Variants in OSGIN1 observed in about 807,000 individuals in gnomAD.
The protein encoded by OSGIN1 is oxidative stress-induced growth inhibitor 1.
OSGIN1 carries 19 observed loss-of-function variants against 20.1 expected under a neutral mutation model. That is an observed-to-expected ratio of 0.95 (90% confidence interval 0.66 to 1.39). OSGIN1 has a LOEUF of 1.39. Among genes scored for constraint, OSGIN1 ranks in the 40% most tolerant of loss-of-function variants. OSGIN1 has a pLI of 0.00. For synonymous variants in OSGIN1, 368 were observed against 297.8 expected, an observed-to-expected ratio of 1.24 and a Z score of -2.43; for missense variants, 820 against 653.0, an observed-to-expected ratio of 1.26 and a Z score of -2.79.
intron 3 of OSGIN1, 29 bp downstream of exon 3, chr16:83,959,425 G>A (rs1909098813): frequency 1.6e-5 from 26 of 1,604,584 alleles, no homozygotes; most frequent in Non-Finnish European, 2.1e-5. Context: ...AGAGCTCTGG[G>A]TAGTACATAC....
Position 83,965,723 on chromosome 16 carries a change from G to A in OSGIN1, c.1150G>A (p.Glu384Lys), listed in dbSNP as rs760586772. ...QAVFQDLEGV[E>K]KVFGVSLVLV... ...CGTGTTCCAGGACCTCGAGGGTGTC[G>A]AGAAGGTGTTTGGGGTCTCCCTGGT... Residue 384 changes from glutamate to lysine, a missense_variant, in exon 6 of 6, where the codon GAG becomes AAG. Glu to Lys is a moderately conservative substitution (Grantham distance 56). Coordinates refer to ENST00000393306, the MANE Select transcript of OSGIN1 (RefSeq NM_182981.3). 9.9e-6 allele frequency: 16 copies of A among 1,613,544 alleles called. No individual in the cohort carries two copies. Among genetic ancestry groups the A allele is most frequent in the South Asian group, 3.3e-5 (3 of 91,082 alleles).
intron 5 of OSGIN1, among the ~76,000 whole-genome samples, chr16:83,962,292 G>A (rs899253629): frequency 1.3e-5 from 2 of 152,178 alleles, no homozygotes; most frequent in African/African-American, 4.8e-5. Flanking sequence ...AGGCTGGAGT[G>A]CAGTGGCGCG....
At chr16:83,963,416 C>G (rs1567657749) in intron 5 of OSGIN1, among the ~76,000 whole-genome samples, 1 of 149,308 alleles carries the variant, frequency 6.7e-6, no homozygotes, top group African/African-American at 2.6e-5. Context: ...TTATTATGTG[C>G]CAGGCCTTGG....
intron 5 of OSGIN1, among the ~76,000 whole-genome samples, chr16:83,964,093 C>A (rs1023760314): frequency 6.6e-6 from 1 of 152,144 alleles, no homozygotes; most frequent in African/African-American, 2.4e-5. Context: ...CACTTGAGGT[C>A]AAGAGTTCGA....
intron 1 of OSGIN1, among the ~76,000 whole-genome samples, chr16:83,953,853 A>T (rs1908803487): frequency 6.6e-6 from 1 of 152,198 alleles, no homozygotes; most frequent in African/African-American, 2.4e-5. Flanking sequence ...GAGGCTCAAG[A>T]GTGCGGCGGG....
intron 1 of OSGIN1, among the ~76,000 whole-genome samples, chr16:83,953,777 C>T (rs1489193265): frequency 2.0e-5 from 3 of 152,070 alleles, no homozygotes; most frequent in Non-Finnish European, 4.4e-5. Flanking sequence ...TCAGGAGGGA[C>T]AGAGCCCTTG....
rs892245791 is a variant in OSGIN1 at position 83,959,171 on chromosome 16, G to C, written c.68-89G>C. The C allele has an allele frequency of 4.7e-6, 4 of 847,070 alleles. No individual in the cohort carries two copies. In the East Asian group the frequency reaches 9.9e-5, roughly 21 times the overall value. 52.5% of individuals were successfully genotyped at this position (847,070 alleles called of 1,614,324 possible). A position where few individuals can be genotyped will look rare whatever the true frequency, so the allele number is the denominator to read the frequency against. On this transcript the variant is annotated intron_variant, in intron 2 of 5. Transcript: ENST00000393306. ...TTTTATGAATGAAGGATAAATGAAT[G>C]AATGCGCCGCATCTAGATCAAAGCC...
intron 5 of OSGIN1, among the ~76,000 whole-genome samples, chr16:83,962,621 G>A (rs2084229640): frequency 6.6e-6 from 1 of 152,212 alleles, no homozygotes; most frequent in South Asian, 2.1e-4. Flanking sequence ...ATGTACACAT[G>A]GTGGTCGGGG....
chr16:83,962,616 C>T (rs1234890465), intron 5 of OSGIN1, among the ~76,000 whole-genome samples: 3 of 152,200 alleles, frequency 2.0e-5, no homozygotes, highest in Admixed American at 6.5e-5. Flanking sequence ...ATAACATGTA[C>T]ACATGGTGGT....
intron 3 of OSGIN1, among the ~76,000 whole-genome samples, chr16:83,960,058 T>C (rs1320065183): frequency 6.6e-6 from 1 of 152,124 alleles, no homozygotes; most frequent in Non-Finnish European, 1.5e-5. Context: ...GAGTTGGAGA[T>C]GAGGAAATAG....
rs1172440596 is a variant in OSGIN1, at chr16:83,965,663, C to A, written c.1090C>A (p.His364Asn). ...PYEGYRSLPR[H>N]QLLCFKEDCQ... ...TGAGGGTTACCGCAGCCTCCCCAGG[C>A]ACCAGCTGCTGTGCTTCAAGGAAGA... Residue 364 changes from histidine to asparagine, a missense_variant, in exon 6 of 6, where the codon CAC becomes AAC. Transcript: ENST00000393306. The A allele has an allele frequency of 1.1e-5, 18 of 1,613,386 alleles. No homozygotes were observed. The highest frequency in any genetic ancestry group is 1.4e-5 in the Non-Finnish European group (17 of 1,180,030).
In OSGIN1 at chr16:83,965,916, TG is replaced by T; in HGVS notation, c.1345del (p.Ala449ProfsTer6). ...RQEGLYAMGP[L>X]AGDNFVRFVQ... is the part of the protein sequence containing the mutation. ...GAGGGCCTGTACGCCATGGGGCCGC[TG>T]GCCGGGGACAACTTCGTGAGGTTTG... On this transcript the variant is annotated frameshift_variant, in exon 6 of 6. Coordinates refer to ENST00000393306, the MANE Select transcript of OSGIN1 (RefSeq NM_182981.3). LOFTEE classifies it high-confidence loss of function. The T allele has an allele frequency of 6.2e-7, 1 of 1,612,734 alleles. No individual in the cohort carries two copies. Among genetic ancestry groups the T allele is most frequent in the Non-Finnish European group, 8.5e-7 (1 of 1,179,978 alleles).
rs148628674 is a variant in OSGIN1, at chr16:83,956,789, T to C, written c.-32-851T>C. ...GGGTGTTGCCTTGTGGTCCTCAGGA[T>C]GGCAGCATGTGGCCCTCGGGTGAGG... On this transcript the variant is annotated intron_variant, in intron 1 of 5. Transcript: ENST00000393306. Among the ~76,000 whole-genome samples, 245 of 152,334 alleles carry C rather than the reference T, an allele frequency of 1.6e-3. 1 individual carries two copies. Among genetic ancestry groups the C allele is most frequent in the African/African-American group, 5.7e-3 (237 of 41,584 alleles).
At chr16:83,959,652 C>G (rs1909110970) in intron 3 of OSGIN1, among the ~76,000 whole-genome samples, 1 of 152,134 alleles carries the variant, frequency 6.6e-6, no homozygotes, top group African/African-American at 2.4e-5. Flanking sequence ...CGGGGGGCAC[C>G]TGGCAATGTC....
intron 3 of OSGIN1, among the ~76,000 whole-genome samples, chr16:83,960,048 G>A (rs1909129836): frequency 6.6e-6 from 1 of 152,124 alleles, no homozygotes; most frequent in South Asian, 2.1e-4. Flanking sequence ...TCCCGCCCCT[G>A]AGTTGGAGAT....
intron 1 of OSGIN1, among the ~76,000 whole-genome samples, 192 bp from the exon 2 acceptor site, chr16:83,957,448 T>G (rs1597177136): frequency 3.4e-5 from 5 of 147,962 alleles, no homozygotes; most frequent in South Asian, 2.1e-4. Flanking sequence ...TGGGGAGGGG[T>G]GGGGCAAACA....
Position 83,966,080 on chromosome 16 carries a change from C to T in OSGIN1, c.*73C>T. ...ACCACATCCCTGCTGGATGCAGGAC[C>T]CGTCCAAAGATGCCCCGGGGAGGGG... On this transcript the variant is annotated 3_prime_UTR_variant, in exon 6 of 6. Transcript: ENST00000393306. The T allele has an allele frequency of 8.0e-7, 1 of 1,248,770 alleles. No individual in the cohort carries two copies. The highest frequency in any genetic ancestry group is 1.1e-6 in the Non-Finnish European group (1 of 925,096). The allele number at this position is 1,248,770 out of a possible 1,614,324, so 77.4% of individuals were successfully genotyped here.
rs775460960 is a variant in OSGIN1, at chr16:83,965,255, A to G, written c.682A>G (p.Arg228Gly). 2.5e-6 allele frequency: 4 copies of G among 1,611,366 alleles called. No homozygotes were observed. The highest frequency in any genetic ancestry group is 3.4e-6 in the Non-Finnish European group (4 of 1,178,982). Residue 228 changes from arginine (R) to glycine (G), a missense_variant, in exon 6 of 6, where the codon AGG becomes GGG. Arg to Gly is a moderately radical substitution (Grantham distance 125). Transcript: ENST00000393306. The part of the protein sequence containing the change: ...PLFQVSGFLT[R>G]NQAQQPFSLW... ...CTTCCAGGTGAGCGGCTTCCTGACC[A>G]GGAACCAGGCCCAGCAGCCCTTCTC...
chr16:83,959,432 A>G (rs1287470247), intron 3 of OSGIN1, 36 bp downstream of exon 3: 2 of 1,547,946 alleles, frequency 1.3e-6, no homozygotes, highest in South Asian at 2.4e-5. Flanking sequence ...TGGGTAGTAC[A>G]TACCCGCCCT....
Sources: gnomAD v4.1 joint callset for allele counts (sites outside exome capture counted in the v4.1 genomes callset) on GRCh38, gnomAD v4.1.1 for gene constraint, MANE v1.5 for transcripts, NCBI Gene and HGNC (gene_info 2026-07-23, HGNC 2026-07-21) for gene names.